Variants in MGAT4C observed in about 807,000 individuals in gnomAD.
The protein encoded by MGAT4C is alpha-1,3-mannosyl-glycoprotein 4-beta-N-acetylglucosaminyltransferase C.
A neutral mutation model predicts 40.1 loss-of-function variants in MGAT4C; 19 were observed. The observed-to-expected ratio is 0.47, with a 90% CI of 0.33 to 0.70. The LOEUF (loss-of-function observed/expected upper bound fraction) is 0.70, where lower values mean the gene tolerates loss of function less well. Among genes scored for constraint, MGAT4C ranks in the 30% least tolerant of loss-of-function variants. MGAT4C has a pLI of 0.02. For missense variants in MGAT4C, 491 were observed against 563.2 expected, an observed-to-expected ratio of 0.87 and a Z score of 1.30; for synonymous variants, 181 against 187.1, an observed-to-expected ratio of 0.97 and a Z score of 0.27.
At chr12:86,537,269 T>C (rs950595461) in intron 2 of MGAT4C, among the ~76,000 whole-genome samples, 1 of 152,012 alleles carries the variant, frequency 6.6e-6, no homozygotes, top group Non-Finnish European at 1.5e-5. Context: ...ACACCTAACA[T>C]TAAATGACGA....
chr12:86,508,605 C>A (rs951453552), intron 2 of MGAT4C, among the ~76,000 whole-genome samples: 2 of 151,964 alleles, frequency 1.3e-5, no homozygotes, highest in African/African-American at 4.8e-5. Context: ...AATGGTATTT[C>A]TAGTTCTAGA....
At chr12:86,834,927 T>C (rs1953005687) in intron 1 of MGAT4C, among the ~76,000 whole-genome samples, 1 of 151,948 alleles carries the variant, frequency 6.6e-6, no homozygotes, top group Non-Finnish European at 1.5e-5. Flanking sequence ...ATATGCTAGA[T>C]ACTTTCCTGT....
intron 2 of MGAT4C, among the ~76,000 whole-genome samples, chr12:86,484,011 T>A (rs919591230): frequency 1.3e-5 from 2 of 151,956 alleles, no homozygotes; most frequent in Non-Finnish European, 2.9e-5. Context: ...GGTTGCTGAA[T>A]GCCAGGGCTA....
intron 2 of MGAT4C, among the ~76,000 whole-genome samples, chr12:86,675,594 G>A (rs1011882116): frequency 2.0e-5 from 3 of 152,202 alleles, no homozygotes; most frequent in Admixed American, 6.6e-5. Flanking sequence ...CATATTTGAA[G>A]CACTGTGCTC....
chr12:86,638,837 C>T (rs1327858963), intron 2 of MGAT4C, among the ~76,000 whole-genome samples: 1 of 151,728 alleles, frequency 6.6e-6, no homozygotes, highest in Non-Finnish European at 1.5e-5. Flanking sequence ...ACCCATTATC[C>T]ATTTTATTTC....
intron 2 of MGAT4C, among the ~76,000 whole-genome samples, chr12:86,602,027 G>C (rs1961803100): frequency 6.6e-6 from 1 of 152,188 alleles, no homozygotes; most frequent in Non-Finnish European, 1.5e-5. Flanking sequence ...GGTACGTCTG[G>C]TCCAGTAGCA....
At position 86,630,385 on chromosome 12, in the gene MGAT4C, C is replaced by A. The variant is rs908780048; in HGVS notation, c.-229+96824G>T. Reference sequence around the variant, plus strand: ...CCCAATCAACAGAAAAAGAGGGAATCCTCCCTAACTCATTTGATGAGGCCA... The same window carrying A: ...CCCAATCAACAGAAAAAGAGGGAATACTCCCTAACTCATTTGATGAGGCCA... On this transcript the variant is annotated intron_variant, in intron 2 of 7. Coordinates refer to the MGAT4C transcript ENST00000548651. Among the ~76,000 whole-genome samples, 44 of 152,150 alleles carry A rather than the reference C, an allele frequency of 2.9e-4. 1 individual carries two copies. Among genetic ancestry groups the A allele is most frequent in the African/African-American group, 1.1e-3 (44 of 41,440 alleles).
intron 2 of MGAT4C, among the ~76,000 whole-genome samples, chr12:86,444,698 A>C (rs922936825): frequency 6.6e-6 from 1 of 152,298 alleles, no homozygotes; most frequent in African/African-American, 2.4e-5. Flanking sequence ...TTAATGTTTT[A>C]TTCTAACAAA....
chr12:86,413,255 A>G (rs1442936527), intron 3 of MGAT4C, among the ~76,000 whole-genome samples: 1 of 152,182 alleles, frequency 6.6e-6, no homozygotes, highest in African/African-American at 2.4e-5. Flanking sequence ...ACTATCGAGA[A>G]AGAGAAGAGG....
intron 1 of MGAT4C, among the ~76,000 whole-genome samples, chr12:86,190,333 G>A (rs1373170464): frequency 6.6e-6 from 1 of 152,052 alleles, no homozygotes; most frequent in Non-Finnish European, 1.5e-5. Flanking sequence ...AAGTAAAGAG[G>A]ATAATTCAAC....
At chr12:86,594,915 T>C (rs1961474144) in intron 2 of MGAT4C, among the ~76,000 whole-genome samples, 1 of 152,186 alleles carries the variant, frequency 6.6e-6, no homozygotes, top group Non-Finnish European at 1.5e-5. Context: ...GAGCCCAGTC[T>C]AAATCTGTGG....
intron 2 of MGAT4C, among the ~76,000 whole-genome samples, chr12:86,562,425 T>C (rs1959911769): frequency 6.6e-6 from 1 of 152,080 alleles, no homozygotes; most frequent in South Asian, 2.1e-4. Flanking sequence ...GCTGAGCTCC[T>C]AAATTCTGAG....
At chr12:86,528,167 T>C (rs545156915) in intron 2 of MGAT4C, among the ~76,000 whole-genome samples, 16 of 152,242 alleles carry the variant, frequency 1.1e-4, no homozygotes, top group African/African-American at 3.6e-4. Context: ...ATAAATACAT[T>C]TGAAAACATT....
chr12:86,754,667 C>G (rs1951271817), intron 1 of MGAT4C, among the ~76,000 whole-genome samples: 1 of 151,906 alleles, frequency 6.6e-6, no homozygotes, highest in South Asian at 2.1e-4. Flanking sequence ...GAAGTTAGAA[C>G]AAGAAAAGAT....
chr12:86,338,975 A>C (rs1051047153), intron 3 of MGAT4C, among the ~76,000 whole-genome samples: 93 of 151,178 alleles, frequency 6.2e-4, no homozygotes, highest in African/African-American at 1.9e-3. Flanking sequence ...AAAAAAAAAA[A>C]AAAAAAACAG....
intron 2 of MGAT4C, among the ~76,000 whole-genome samples, chr12:86,456,777 C>G (rs781780570): frequency 5.3e-5 from 8 of 152,040 alleles, no homozygotes; most frequent in Non-Finnish European, 8.8e-5. Flanking sequence ...GTTGTCCCAG[C>G]TAAAAATGTA....
intron 1 of MGAT4C, among the ~76,000 whole-genome samples, chr12:86,188,379 G>A (rs1030045939): frequency 4.0e-5 from 6 of 151,758 alleles, no homozygotes; most frequent in East Asian, 1.9e-4. Flanking sequence ...CTTGCCTGTG[G>A]GCAGCAGAGT....
chr12:86,357,584 A>T (rs536857543), intron 3 of MGAT4C, among the ~76,000 whole-genome samples: 2 of 151,014 alleles, frequency 1.3e-5, no homozygotes, highest in Non-Finnish European at 3.0e-5. Context: ...ACCTTGAAAA[A>T]AGATTAGATG....
intron 1 of MGAT4C, among the ~76,000 whole-genome samples, chr12:86,207,530 AG>A (rs1440791898): frequency 6.6e-6 from 1 of 152,146 alleles, no homozygotes; most frequent in African/African-American, 2.4e-5. Context: ...AATGAATACA[AG>A]TTTGTCAGGT....
Sources: gnomAD v4.1 joint callset for allele counts (sites outside exome capture counted in the v4.1 genomes callset) on GRCh38, gnomAD v4.1.1 for gene constraint, MANE v1.5 for transcripts, NCBI Gene and HGNC (gene_info 2026-07-23, HGNC 2026-07-21) for gene names.